Variants in NOS1AP observed in about 807,000 individuals in gnomAD.
The protein encoded by NOS1AP is nitric oxide synthase 1 adaptor protein.
Under a neutral mutation model 56.2 loss-of-function variants are expected in NOS1AP, and 21 were observed. The ratio of observed to expected loss-of-function variants is 0.37; its 90% CI spans 0.26 to 0.54. NOS1AP has a LOEUF of 0.54. Among genes scored for constraint, NOS1AP ranks in the 20% least tolerant of loss-of-function variants. NOS1AP has a pLI of 0.84. For missense variants in NOS1AP, 522 were observed against 657.8 expected, an observed-to-expected ratio of 0.79 and a Z score of 2.26; for synonymous variants, 270 against 274.6, an observed-to-expected ratio of 0.98 and a Z score of 0.17.
intron 2 of NOS1AP, among the ~76,000 whole-genome samples, chr1:162,255,490 ATTTTTTTTT>A (rs35637289): frequency 0.3 from 18,479 of 62,274 alleles, 2,758 homozygotes; most frequent in East Asian, 0.59. Context: ...GCTGCTGCTG[ATTTTTTTTT>A]TTTTTTTTTT....
rs568804255 is a variant in NOS1AP at position 162,151,402 on chromosome 1, C to T, written c.106-3003C>T. On this transcript the variant is annotated intron_variant, in intron 1 of 9. Coordinates refer to ENST00000361897, the MANE Select transcript of NOS1AP (RefSeq NM_014697.3). The stretch of plus-strand genomic sequence containing the variant: ...CATGTGCATGTTCTGTAGCATGTAC[C>T]TGGTTACATGTTTTGTTCTATAGCC... Among the ~76,000 whole-genome samples, 11 of 152,256 alleles carry T rather than the reference C, an allele frequency of 7.2e-5. 2 individuals are homozygous for T. The highest frequency in any genetic ancestry group is 4.1e-4 in the South Asian group (2 of 4,828).
intron 1 of NOS1AP, among the ~76,000 whole-genome samples, chr1:162,086,140 A>G (rs79689541): frequency 0.02 from 3,070 of 152,154 alleles, 113 homozygotes; most frequent in African/African-American, 0.07. Flanking sequence ...GACCCAGAAC[A>G]ATTTTTGGAG....
At chr1:162,175,600 T>C (rs1299153705) in intron 2 of NOS1AP, among the ~76,000 whole-genome samples, 3 of 152,104 alleles carry the variant, frequency 2.0e-5, no homozygotes, top group Non-Finnish European at 4.4e-5. Context: ...TGGAGTTAGA[T>C]AGCAGGATCG....
chr1:162,175,233 GCAGTTAAAA>G (rs897066456), intron 2 of NOS1AP, among the ~76,000 whole-genome samples: 11 of 151,954 alleles, frequency 7.2e-5, no homozygotes, highest in East Asian at 1.9e-4. Context: ...CTCCTTAAAG[GCAGTTAAAA>G]CAGTTAAAAC....
At chr1:162,324,821 G>A (rs1005885784) in intron 4 of NOS1AP, among the ~76,000 whole-genome samples, 2 of 152,174 alleles carry the variant, frequency 1.3e-5, no homozygotes, top group African/African-American at 4.8e-5. Context: ...TTCTCTGCCT[G>A]CAGTTGAAGT....
At chr1:162,214,427 G>T (rs1652478650) in intron 2 of NOS1AP, among the ~76,000 whole-genome samples, 1 of 152,232 alleles carries the variant, frequency 6.6e-6, no homozygotes, top group African/African-American at 2.4e-5. Flanking sequence ...AAAGGGGGAA[G>T]TGAGTATGCA....
At chr1:162,249,284 G>A (rs1653773933) in intron 2 of NOS1AP, among the ~76,000 whole-genome samples, 1 of 152,146 alleles carries the variant, frequency 6.6e-6, no homozygotes, top group Non-Finnish European at 1.5e-5. Flanking sequence ...GCCAATAGAT[G>A]TCTCACTTTT....
chr1:162,149,439 T>C (rs1479719618), intron 1 of NOS1AP, among the ~76,000 whole-genome samples: 1 of 152,238 alleles, frequency 6.6e-6, no homozygotes, highest in East Asian at 1.9e-4. Flanking sequence ...TCTTAGATGG[T>C]GTCTTACACT....
chr1:162,238,393 C>A (rs532873021), intron 2 of NOS1AP, among the ~76,000 whole-genome samples: 1 of 152,230 alleles, frequency 6.6e-6, no homozygotes, highest in Non-Finnish European at 1.5e-5. Flanking sequence ...ATCAAAGAAG[C>A]AGCTCTCTTA....
At chr1:162,339,320 G>A (rs767393059) in intron 5 of NOS1AP, among the ~76,000 whole-genome samples, 8 of 152,128 alleles carry the variant, frequency 5.3e-5, no homozygotes, top group Non-Finnish European at 8.8e-5. Flanking sequence ...GATTTGATCC[G>A]TGTGGCAAAG....
In NOS1AP at chr1:162,258,788, A is replaced by T. The variant is rs532489965; in HGVS notation, c.178-28556A>T. Among the ~76,000 whole-genome samples the T allele has an allele frequency of 2.0e-5, 3 of 152,320 alleles. No individual in the cohort carries two copies. The East Asian group carries it at 5.8e-4, about 29-fold the overall frequency. On this transcript the variant is annotated intron_variant, in intron 2 of 9. Transcript: ENST00000361897. ...GCCCACAAACCAGTCTAACACTGGG[A>T]TAAGTACATGGGTCTTTCTAGGATT...
chr1:162,251,644 GTATAAATATATATATA>G (rs1653854259), intron 2 of NOS1AP, among the ~76,000 whole-genome samples: 1 of 149,736 alleles, frequency 6.7e-6, no homozygotes. Context: ...CTGTGTGTGT[GTATAAATATATATATA>G]TGTGTGTGTG....
intron 5 of NOS1AP, 89 bp downstream of exon 5, chr1:162,333,214 C>A: frequency 1.2e-6 from 1 of 861,824 alleles, no homozygotes; most frequent in Non-Finnish European, 2.0e-6. Context: ...TTGAAGACAG[C>A]TGTGGTAATG....
At chr1:162,189,601 C>G (rs1651554066) in intron 2 of NOS1AP, among the ~76,000 whole-genome samples, 1 of 152,140 alleles carries the variant, frequency 6.6e-6, no homozygotes, top group Non-Finnish European at 1.5e-5. Context: ...GGCGAGATCT[C>G]TCTTCTCATG....
chr1:162,257,162 C>A (rs951377586), intron 2 of NOS1AP, among the ~76,000 whole-genome samples: 1 of 152,178 alleles, frequency 6.6e-6, no homozygotes, highest in Admixed American at 6.5e-5. Context: ...ATACTTACAT[C>A]ATGCCAAGTG....
intron 4 of NOS1AP, among the ~76,000 whole-genome samples, chr1:162,319,116 G>A (rs767623372): frequency 2.6e-4 from 39 of 152,236 alleles, no homozygotes; most frequent in South Asian, 2.5e-3. Context: ...GAGCCCAGGT[G>A]CCCTGCACTT....
chr1:162,273,969 T>G (rs1475002574), intron 2 of NOS1AP, among the ~76,000 whole-genome samples: 1 of 152,236 alleles, frequency 6.6e-6, no homozygotes, highest in African/African-American at 2.4e-5. Flanking sequence ...ATTCACCCTG[T>G]GGAAGGATAT....
At chr1:162,080,760 T>G (rs938052792) in intron 1 of NOS1AP, among the ~76,000 whole-genome samples, 5 of 152,204 alleles carry the variant, frequency 3.3e-5, no homozygotes, top group Non-Finnish European at 7.3e-5. Flanking sequence ...CTCCCTAACT[T>G]ACTTGCCTCA....
At chr1:162,125,130 CTT>C (rs56264198) in intron 1 of NOS1AP, among the ~76,000 whole-genome samples, 19 of 124,110 alleles carry the variant, frequency 1.5e-4, no homozygotes, top group Admixed American at 2.4e-4. Context: ...GTTTCTGACT[CTT>C]TTTTTTTTTT....
Sources: allele counts gnomAD v4.1 joint callset (sites outside exome capture counted in the v4.1 genomes callset), GRCh38; gene constraint gnomAD v4.1.1; transcripts MANE v1.5; gene names NCBI Gene and HGNC (gene_info 2026-07-23, HGNC 2026-07-21).